The following LPA variants were observed in gnomAD, a reference collection of about 807,000 sequenced individuals.
LPA encodes the protein apolipoprotein(a).
A neutral mutation model predicts 197.9 loss-of-function variants in LPA; 199 were observed. The ratio of observed to expected loss-of-function variants is 1.01; its 90% CI spans 0.90 to 1.13. The LOEUF (loss-of-function observed/expected upper bound fraction) is 1.13, where lower values mean the gene tolerates loss of function less well. Ranked by LOEUF, LPA falls within the 50% of genes most tolerant of loss-of-function variation. The pLI is 0.00. For missense variants in LPA, 1,853 were observed against 1,785.8 expected, an observed-to-expected ratio of 1.04 and a Z score of -0.68; for synonymous variants, 715 against 639.5, an observed-to-expected ratio of 1.12 and a Z score of -1.78.
intron 28 of LPA, among the ~76,000 whole-genome samples, chr6:160,575,076 C>T (rs1778630826): frequency 6.6e-6 from 1 of 152,154 alleles, no homozygotes; most frequent in African/African-American, 2.4e-5. Flanking sequence ...ATAAAATTTT[C>T]CTAGCTTTCT....
chr6:160,536,583 C>G (rs185243560), intron 37 of LPA, among the ~76,000 whole-genome samples: 5 of 152,316 alleles, frequency 3.3e-5, no homozygotes, highest in South Asian at 2.1e-4. Context: ...GTACCACCCT[C>G]CACCTTCTCT....
chr6:160,583,354 T>A (rs981290898), intron 26 of LPA, among the ~76,000 whole-genome samples: 1 of 152,178 alleles, frequency 6.6e-6, no homozygotes, highest in Admixed American at 6.5e-5. Context: ...TACTTGGAGA[T>A]CATTTGGATC....
chr6:160,604,954 T>C, intron 18 of LPA, 92 bp downstream of exon 18: 1 of 1,571,308 alleles, frequency 6.4e-7, no homozygotes, highest in Admixed American at 1.7e-5. Context: ...CTGAGACAAC[T>C]TGAGTCCTGA....
At chr6:160,552,664 A>G (rs1008883846) in intron 30 of LPA, among the ~76,000 whole-genome samples, 1 of 152,182 alleles carries the variant, frequency 6.6e-6, no homozygotes, top group Non-Finnish European at 1.5e-5. Context: ...ACTCCAGCTT[A>G]TTTATGATTC....
In LPA at chr6:160,564,054, GC is replaced by G. The variant is rs1254128788; in HGVS notation, c.4632-6484del. 2.0e-5 allele frequency among the ~76,000 whole-genome samples: 3 copies of G among 152,146 alleles called. No individual in the cohort carries two copies. The South Asian group carries it at 6.2e-4, about 32-fold the overall frequency. On this transcript the variant is annotated intron_variant, in intron 28 of 38. Transcript: ENST00000316300. ...CTGTGTCTTTTAATTGGGGCATTTA[GC>G]CCATTTACATTTAAGGTTAATATTG...
chr6:160,584,014 A>G (rs1226912963), intron 26 of LPA, among the ~76,000 whole-genome samples: 1 of 152,114 alleles, frequency 6.6e-6, no homozygotes. Context: ...GTACCTGCCC[A>G]TTTTAATCAC....
intron 30 of LPA, among the ~76,000 whole-genome samples, chr6:160,551,054 C>G (rs1432267207): frequency 6.6e-6 from 1 of 152,186 alleles, no homozygotes; most frequent in African/African-American, 2.4e-5. Context: ...TAAATATTCA[C>G]AAACAGGATT....
chr6:160,659,761 C>A (rs41269858), intron 1 of LPA, among the ~76,000 whole-genome samples: 48 of 152,302 alleles, frequency 3.2e-4, no homozygotes, highest in Middle Eastern at 6.8e-3. Flanking sequence ...ATAGTAGGGG[C>A]AGGGACCAGT....
At chr6:160,576,674 G>GTT (rs1778686876) in intron 28 of LPA, among the ~76,000 whole-genome samples, 1 of 77,282 alleles carries the variant, frequency 1.3e-5, no homozygotes, top group East Asian at 9.0e-4. Context: ...AGATGTTTGT[G>GTT]TGTGTGTGTG....
At chr6:160,544,712 C>T (rs971776524) in intron 33 of LPA, among the ~76,000 whole-genome samples, 6 of 152,140 alleles carry the variant, frequency 3.9e-5, no homozygotes, top group Admixed American at 1.3e-4. Context: ...TTCTGTAACT[C>T]GGACAGACAA....
chr6:160,571,527 A>C (rs1322936335), intron 28 of LPA, among the ~76,000 whole-genome samples: 2 of 152,054 alleles, frequency 1.3e-5, no homozygotes, highest in African/African-American at 4.8e-5. Context: ...TTTTATCTAT[A>C]AGCTTCTGAC....
Position 160,572,791 on chromosome 6 carries a change from G to T in LPA, c.4631+4345C>A, listed in dbSNP as rs995882286. ...AAAAACTGGCTGTTAATCTGATAGGGTTTCCTTTATACATTACCTGGTGCT... is the reference window on the plus strand; with the variant it reads ...AAAAACTGGCTGTTAATCTGATAGGTTTTCCTTTATACATTACCTGGTGCT... On this transcript the variant is annotated intron_variant, in intron 28 of 38. Transcript: ENST00000316300. Among the ~76,000 whole-genome samples the T allele has an allele frequency of 5.3e-5, 8 of 152,264 alleles. No individual in the cohort carries two copies. In the South Asian group the frequency reaches 8.3e-4, roughly 16 times the overall value.
At chr6:160,575,309 A>G (rs1393380622) in intron 28 of LPA, among the ~76,000 whole-genome samples, 1 of 152,102 alleles carries the variant, frequency 6.6e-6, no homozygotes, top group Non-Finnish European at 1.5e-5. Context: ...TCATATGTAT[A>G]TTTTAAATGT....
chr6:160,597,757 A>G (rs1374706095), intron 20 of LPA, among the ~76,000 whole-genome samples: 1 of 152,160 alleles, frequency 6.6e-6, no homozygotes, highest in African/African-American at 2.4e-5. Flanking sequence ...CATTTAAATC[A>G]TTTCTATCAT....
At chr6:160,599,374 C>G in intron 20 of LPA, 126 bp downstream of exon 20, 1 of 1,418,466 alleles carries the variant, frequency 7.0e-7, no homozygotes, top group Non-Finnish European at 9.9e-7. Context: ...AGAACTTTTG[C>G]TCACAGGAAA....
chr6:160,556,551 A>G (rs41264322), intron 29 of LPA, among the ~76,000 whole-genome samples: 178 of 152,206 alleles, frequency 1.2e-3, no homozygotes, highest in African/African-American at 4.2e-3. Flanking sequence ...GGCTGTCAGT[A>G]GGGGACAGAC....
At chr6:160,601,328 C>A (rs2115055445) in intron 18 of LPA, among the ~76,000 whole-genome samples, 1 of 152,278 alleles carries the variant, frequency 6.6e-6, no homozygotes, top group Admixed American at 6.5e-5. Context: ...GCAGCACACA[C>A]TTCCTAGAAA....
At chr6:160,554,006 A>G (rs1778214820) in intron 30 of LPA, among the ~76,000 whole-genome samples, 1 of 146,730 alleles carries the variant, frequency 6.8e-6, no homozygotes, top group Non-Finnish European at 1.5e-5. Context: ...TATGGCTTTC[A>G]TTGAGTTATC....
At chr6:160,651,020 T>C (rs1329023216) in intron 1 of LPA, among the ~76,000 whole-genome samples, 2 of 152,194 alleles carry the variant, frequency 1.3e-5, no homozygotes, top group Non-Finnish European at 2.9e-5. Flanking sequence ...AGGTAGATGA[T>C]CAAATCTTAT....
Sources: allele counts gnomAD v4.1 joint callset (sites outside exome capture counted in the v4.1 genomes callset), GRCh38; gene constraint gnomAD v4.1.1; transcripts MANE v1.5; gene names NCBI Gene and HGNC (gene_info 2026-07-23, HGNC 2026-07-21).